The following MYOCD variants were observed in gnomAD, a reference collection of about 807,000 sequenced individuals.
MYOCD encodes myocardin.
MYOCD carries 32 observed loss-of-function variants against 96.1 expected under a neutral mutation model. That is an observed-to-expected ratio of 0.33 (90% CI 0.25 to 0.45). The LOEUF is 0.45. MYOCD is among the 20% of genes least tolerant of loss of function. The pLI is 1.00. For synonymous variants in MYOCD, 469 were observed against 469.0 expected (o/e 1.00, Z 0.00); for missense variants, 1,133 against 1,200.6 (o/e 0.94, Z 0.83).
intron 1 of MYOCD, among the ~76,000 whole-genome samples, chr17:12,683,686 G>A (rs1225682012): frequency 6.6e-6 from 1 of 152,118 alleles, no homozygotes; most frequent in African/African-American, 2.4e-5. Context: ...GGGAGAAAAG[G>A]CCAGACAAGC....
At chr17:12,666,879 G>A (rs1175042927) in intron 1 of MYOCD, among the ~76,000 whole-genome samples, 1 of 152,220 alleles carries the variant, frequency 6.6e-6, no homozygotes, top group African/African-American at 2.4e-5. Context: ...AAAGGACGCT[G>A]AGTGGAGGTG....
chr17:12,736,849 A>T (rs2032361292), intron 6 of MYOCD, among the ~76,000 whole-genome samples: 1 of 152,192 alleles, frequency 6.6e-6, no homozygotes, highest in Non-Finnish European at 1.5e-5. Context: ...GCTGCAGCAA[A>T]ATTCAGCCCC....
intron 1 of MYOCD, among the ~76,000 whole-genome samples, chr17:12,667,953 C>T (rs980404523): frequency 2.6e-5 from 4 of 152,126 alleles, no homozygotes; most frequent in Non-Finnish European, 5.9e-5. Context: ...CCTTAATCCT[C>T]CCGTCATTGA....
At chr17:12,758,488 C>T (rs1490039378) in intron 12 of MYOCD, among the ~76,000 whole-genome samples, 1 of 152,184 alleles carries the variant, frequency 6.6e-6, no homozygotes, top group Non-Finnish European at 1.5e-5. Context: ...TACTTCACCT[C>T]TCTTATGCAA....
At chr17:12,668,795 T>G (rs1909514282) in intron 1 of MYOCD, among the ~76,000 whole-genome samples, 1 of 152,080 alleles carries the variant, frequency 6.6e-6, no homozygotes, top group African/African-American at 2.4e-5. Flanking sequence ...ATAGGGTCAT[T>G]GTGAGAATTA....
intron 5 of MYOCD, among the ~76,000 whole-genome samples, chr17:12,731,872 G>A (rs986643516): frequency 2.0e-5 from 3 of 152,220 alleles, no homozygotes; most frequent in African/African-American, 7.2e-5. Flanking sequence ...CCCATCAACA[G>A]CGACGAGCTA....
At chr17:12,723,147 A>G in intron 5 of MYOCD, 139 bp downstream of exon 5, 1 of 795,248 alleles carries the variant, frequency 1.3e-6, no homozygotes. Context: ...AGTCCAGTTA[A>G]TTCTCCATAA....
chr17:12,739,417 C>T, intron 7 of MYOCD, 89 bp downstream of exon 7: 1 of 1,419,770 alleles, frequency 7.0e-7, no homozygotes, highest in Non-Finnish European at 9.3e-7. Context: ...GGTCTGACAA[C>T]ACGAGGAGAG....
chr17:12,687,883 G>A (rs1273357528), intron 1 of MYOCD, among the ~76,000 whole-genome samples: 1 of 152,208 alleles, frequency 6.6e-6, no homozygotes, highest in East Asian at 1.9e-4. Flanking sequence ...TGTTAAGGAA[G>A]CAGTGTATCC....
At chr17:12,736,415 G>A (rs552351425) in intron 6 of MYOCD, 79 bp downstream of exon 6, 3 of 1,435,928 alleles carry the variant, frequency 2.1e-6, no homozygotes, top group Admixed American at 2.0e-5. Context: ...CATCAACACT[G>A]TTAACAGCTG....
intron 1 of MYOCD, among the ~76,000 whole-genome samples, chr17:12,703,949 A>G (rs943939231): frequency 6.6e-6 from 1 of 151,820 alleles, no homozygotes; most frequent in East Asian, 1.9e-4. Flanking sequence ...TTTTTTGTCC[A>G]TTTCTTTTAC....
chr17:12,753,706 A>G (rs1324243852), intron 10 of MYOCD, among the ~76,000 whole-genome samples: 1 of 152,242 alleles, frequency 6.6e-6, no homozygotes, highest in Non-Finnish European at 1.5e-5. Flanking sequence ...ATTTTAAAAA[A>G]TAGTCAGTGA....
At chr17:12,688,596 CTCCT>C (rs896071459) in intron 1 of MYOCD, among the ~76,000 whole-genome samples, 2 of 142,742 alleles carry the variant, frequency 1.4e-5, no homozygotes, top group African/African-American at 2.7e-5. Context: ...TTCCTTCCAT[CTCCT>C]TCCTTCCTTC....
chr17:12,678,635 T>TCC (rs1196407084), intron 1 of MYOCD, among the ~76,000 whole-genome samples: 1 of 151,990 alleles, frequency 6.6e-6, no homozygotes, highest in Non-Finnish European at 1.5e-5. Context: ...TTCAACTCTC[T>TCC]CCCCCACCAA....
At chr17:12,676,543 T>C (rs1039290601) in intron 1 of MYOCD, among the ~76,000 whole-genome samples, 8 of 146,802 alleles carry the variant, frequency 5.4e-5, no homozygotes, top group African/African-American at 2.2e-4. Context: ...CTGAGTATTA[T>C]TTGCCTTTTT....
chr17:12,722,736 T>C (rs2031876947), intron 4 of MYOCD, 111 bp from the exon 5 acceptor site: 3 of 830,054 alleles, frequency 3.6e-6, no homozygotes, highest in Non-Finnish European at 5.7e-6. Flanking sequence ...ATTATTAGGA[T>C]GGTAGAGCAC....
chr17:12,704,828 A>G, intron 1 of MYOCD: 2 of 258,814 alleles, frequency 7.7e-6, no homozygotes, highest in East Asian at 9.7e-5. Flanking sequence ...GATGATATTT[A>G]TCTTGCAAAT....
intron 4 of MYOCD, among the ~76,000 whole-genome samples, chr17:12,719,698 C>CAAAAAAAAAAAA (rs57311284): frequency 8.5e-5 from 9 of 106,106 alleles, no homozygotes; most frequent in African/African-American, 2.3e-4. Context: ...ACTAAAAATA[C>CAAAAAAAAAAAA]AAAAAAAAAA....
chr17:12,737,349 A>G (rs1183484973), intron 6 of MYOCD, among the ~76,000 whole-genome samples: 4 of 152,224 alleles, frequency 2.6e-5, no homozygotes, highest in Non-Finnish European at 5.9e-5. Flanking sequence ...TGCCAAGTGC[A>G]TCACAAAAGT....
Sources: allele counts gnomAD v4.1 joint callset (sites outside exome capture counted in the v4.1 genomes callset), GRCh38; gene constraint gnomAD v4.1.1; transcripts MANE v1.5; gene names NCBI Gene and HGNC (gene_info 2026-07-23, HGNC 2026-07-21).